The following AMD1 variants were observed in gnomAD, a reference collection of about 807,000 sequenced individuals.
The protein encoded by AMD1 is adenosylmethionine decarboxylase 1.
Under a neutral mutation model 40.2 loss-of-function variants are expected in AMD1, and 11 were observed. That is an observed-to-expected ratio of 0.27 (90% CI 0.17 to 0.45). The LOEUF is 0.45. AMD1 is among the 20% of genes least tolerant of loss of function. AMD1 has a pLI of 1.00. For missense variants in AMD1, 257 were observed against 410.2 expected (o/e 0.63, Z 3.23); for synonymous variants, 121 against 130.8 (o/e 0.93, Z 0.51).
the AMD1 span, among the ~76,000 whole-genome samples, chr6:110,856,871 TTGAG>T: frequency 4.6e-5 from 7 of 152,238 alleles, no homozygotes; most frequent in East Asian, 1.9e-4. Flanking sequence ...TATTAAAAAT[TTGAG>T]TGGTCTGGCC....
intron 1 of AMD1, among the ~76,000 whole-genome samples, chr6:110,882,021 A>G (rs1785434144): frequency 1.3e-5 from 2 of 152,206 alleles, no homozygotes; most frequent in African/African-American, 2.4e-5. Context: ...AGTTTTATAA[A>G]TAGTTTATAA....
the AMD1 span, among the ~76,000 whole-genome samples, chr6:110,830,083 C>T: frequency 6.6e-6 from 1 of 151,808 alleles, no homozygotes. Context: ...GGCGCGATCT[C>T]GGCTCACTGC....
Position 110,888,863 on chromosome 6 carries a change from T to C in AMD1, c.204T>C (p.Ser68=). The change falls in exon 3 of 9, where the codon AGT becomes AGC. Residue 68 remains serine, a synonymous_variant. Coordinates refer to ENST00000368885, the MANE Select transcript of AMD1 (RefSeq NM_001634.6). ...TGACTTTTTTCAACTGCAGTGAGAG[T>C]AGCATGTTTGTCTCCAAGAGACGTT... ...DKQEAYVLSE[S]SMFVSKRRFI... is the part of the protein sequence containing the mutation. 1 of 1,611,416 alleles carries C rather than the reference T, an allele frequency of 6.2e-7. No homozygotes were observed.
chr6:110,838,743 G>A, the AMD1 span, among the ~76,000 whole-genome samples: 5 of 151,416 alleles, frequency 3.3e-5, no homozygotes, highest in Non-Finnish European at 7.4e-5. Flanking sequence ...CATGTAATCC[G>A]AGCAACTCGA....
chr6:110,895,701 T>G lies in AMD1; in HGVS notation c.*2085T>G, dbSNP rs1786262006. 6.6e-6 allele frequency: 1 copy of G among 152,656 alleles called. No homozygotes were observed. Among genetic ancestry groups the G allele is most frequent in the South Asian group, 2.1e-4 (1 of 4,834 alleles). 9.5% of individuals were successfully genotyped at this position (152,656 alleles called of 1,614,324 possible). ...CTTCAATAAAAGTTTAATTGTCTAG[T>G]GACATTCAGAAACTTTTCTGTTGCC... On this transcript the variant is annotated 3_prime_UTR_variant, in exon 9 of 9. Coordinates refer to ENST00000368885, the MANE Select transcript of AMD1 (RefSeq NM_001634.6).
chr6:110,838,363 TG>T, the AMD1 span, among the ~76,000 whole-genome samples: 1 of 150,306 alleles, frequency 6.7e-6, no homozygotes, highest in African/African-American at 2.5e-5. Context: ...CATTCCAGCT[TG>T]GGCAAGAGTG....
In AMD1 at chr6:110,893,816, C is replaced by G. The variant is rs1467177622; in HGVS notation, c.*200C>G. ...GAGTTAGATATCTTGCATGAATGCT[C>G]TCTTCTGTGTTTAGGTATTCTCTGC... On this transcript the variant is annotated 3_prime_UTR_variant, in exon 9 of 9. Transcript: ENST00000368885. The G allele has an allele frequency of 3.4e-6, 2 of 582,370 alleles. No homozygotes were observed. The highest frequency in any genetic ancestry group is 3.0e-5 in the East Asian group (1 of 33,006). 36.1% of individuals were successfully genotyped at this position (582,370 alleles called of 1,614,324 possible).
chr6:110,819,358 A>C, the AMD1 span, among the ~76,000 whole-genome samples: 1 of 152,222 alleles, frequency 6.6e-6, no homozygotes, highest in Non-Finnish European at 1.5e-5. Flanking sequence ...ACTCTGTTTC[A>C]AAACAAACTA....
chr6:110,814,967 C>A, the AMD1 span: 2 of 1,596,424 alleles, frequency 1.3e-6, no homozygotes, highest in Non-Finnish European at 1.7e-6. Context: ...GCGGGCAGGG[C>A]GAGGACCCGA....
chr6:110,884,058 C>G (rs563051407), intron 1 of AMD1, among the ~76,000 whole-genome samples: 2 of 152,340 alleles, frequency 1.3e-5, no homozygotes, highest in Admixed American at 6.5e-5. Flanking sequence ...AACAGCACAT[C>G]AGAGGCTTTG....
At chr6:110,839,892 G>A in the AMD1 span, among the ~76,000 whole-genome samples, 1 of 152,096 alleles carries the variant, frequency 6.6e-6, no homozygotes, top group Non-Finnish European at 1.5e-5. Context: ...ACATGGCTGG[G>A]AAATGAGGTT....
At chr6:110,829,433 A>G in the AMD1 span, among the ~76,000 whole-genome samples, 2 of 151,254 alleles carry the variant, frequency 1.3e-5, no homozygotes, top group African/African-American at 2.4e-5. Flanking sequence ...TAATCCCAGC[A>G]GTTTGGGAGG....
At chr6:110,841,948 G>T in the AMD1 span, among the ~76,000 whole-genome samples, 1 of 151,988 alleles carries the variant, frequency 6.6e-6, no homozygotes, top group African/African-American at 2.4e-5. Context: ...GACTACAGGT[G>T]TGCACCACCA....
At chr6:110,857,688 T>TAC in the AMD1 span, among the ~76,000 whole-genome samples, 1 of 146,596 alleles carries the variant, frequency 6.8e-6, no homozygotes, top group South Asian at 2.1e-4. Context: ...TATATATATA[T>TAC]ACAGATGGCA....
chr6:110,869,354 G>C, the AMD1 span, among the ~76,000 whole-genome samples: 1 of 151,540 alleles, frequency 6.6e-6, no homozygotes, highest in Non-Finnish European at 1.5e-5. Flanking sequence ...GGATGATCTC[G>C]ATCTCCTGAC....
chr6:110,849,702 G>A, the AMD1 span, among the ~76,000 whole-genome samples: 1 of 152,120 alleles, frequency 6.6e-6, no homozygotes, highest in East Asian at 1.9e-4. Flanking sequence ...GAGCACTGGA[G>A]AATAGAAGAA....
the AMD1 span, chr6:110,863,747 A>C: frequency 2.2e-5 from 5 of 223,828 alleles, no homozygotes. Flanking sequence ...AGAATTTATA[A>C]ATTACATATT....
the AMD1 span, among the ~76,000 whole-genome samples, chr6:110,840,951 G>C: frequency 6.6e-6 from 1 of 152,200 alleles, no homozygotes; most frequent in East Asian, 1.9e-4. Context: ...CACAGGCACT[G>C]TCATAGGCAC....
At chr6:110,836,242 CA>C in the AMD1 span, among the ~76,000 whole-genome samples, 1 of 151,838 alleles carries the variant, frequency 6.6e-6, no homozygotes, top group Non-Finnish European at 1.5e-5. Context: ...TGAACAACAA[CA>C]AAAAATCAAT....
Sources: gnomAD v4.1 joint callset for allele counts (sites outside exome capture counted in the v4.1 genomes callset) on GRCh38, gnomAD v4.1.1 for gene constraint, MANE v1.5 for transcripts, NCBI Gene and HGNC (gene_info 2026-07-23, HGNC 2026-07-21) for gene names.